DEPDC5: variants seen among roughly 807,000 people sequenced by gnomAD.
The protein encoded by DEPDC5 is GATOR1 complex protein DEPDC5.
Under a neutral mutation model 217.3 loss-of-function variants are expected in DEPDC5, and 73 were observed. That is an observed-to-expected ratio of 0.34 (90% CI 0.28 to 0.41). DEPDC5 has a LOEUF of 0.41. DEPDC5 is among the 10% of genes least tolerant of loss of function. DEPDC5 has a pLI of 1.00. For missense variants in DEPDC5, 1,675 were observed against 2,070.1 expected (o/e 0.81, Z 3.70); for synonymous variants, 733 against 756.7 (o/e 0.97, Z 0.51).
At chr22:31,893,875 T>A in intron 39 of DEPDC5, 124 bp downstream of exon 39, 1 of 1,105,322 alleles carries the variant, frequency 9.0e-7, no homozygotes. Context: ...TCATCGGGAC[T>A]ATTGGAGTAA....
chr22:31,852,708 G>A (rs1051411842), intron 31 of DEPDC5, among the ~76,000 whole-genome samples: 5 of 151,792 alleles, frequency 3.3e-5, no homozygotes, highest in Non-Finnish European at 7.4e-5. Context: ...AATGTACCTC[G>A]GAAAGACAAG....
chr22:31,892,553 G>A (rs569153913), intron 38 of DEPDC5, among the ~76,000 whole-genome samples: 4 of 152,174 alleles, frequency 2.6e-5, no homozygotes, highest in East Asian at 1.9e-4. Flanking sequence ...GTGTGGTGGC[G>A]CATGCCTGTA....
chr22:31,857,813 G>T, intron 32 of DEPDC5: 1 of 312,018 alleles, frequency 3.2e-6, no homozygotes, highest in Non-Finnish European at 5.9e-6. Context: ...ACTTTGGGAG[G>T]CCGAGGCTGG....
intron 10 of DEPDC5, 42 bp downstream of exon 10, chr22:31,784,917 T>A (rs1601812848): frequency 1.3e-6 from 2 of 1,557,710 alleles, no homozygotes; most frequent in Middle Eastern, 1.7e-4. Flanking sequence ...ATGTAAACAT[T>A]ACTCAATCAG....
chr22:31,816,419 C>T (rs1275329206), intron 21 of DEPDC5: 28 of 148,798 alleles, frequency 1.9e-4, no homozygotes, highest in African/African-American at 6.9e-4. Flanking sequence ...CAGTTTCTTT[C>T]TTTTCTTTTT....
At chr22:31,857,191 AG>A (rs891763089) in intron 31 of DEPDC5, among the ~76,000 whole-genome samples, 22 of 152,352 alleles carry the variant, frequency 1.4e-4, no homozygotes, top group African/African-American at 5.3e-4. Flanking sequence ...CCCCTTTTTA[AG>A]GTCATATATA....
intron 19 of DEPDC5, among the ~76,000 whole-genome samples, chr22:31,810,178 C>T (rs1349362712): frequency 1.3e-5 from 2 of 152,026 alleles, no homozygotes; most frequent in East Asian, 1.9e-4. Flanking sequence ...GTAGGGATCA[C>T]GTAGAAAGTT....
chr22:31,899,313 T>C (rs1425314921), intron 40 of DEPDC5, among the ~76,000 whole-genome samples: 5 of 152,216 alleles, frequency 3.3e-5, no homozygotes, highest in African/African-American at 1.2e-4. Flanking sequence ...AAATTCAAAA[T>C]CTTAAAAATC....
At chr22:31,846,790 G>C in intron 30 of DEPDC5, 44 bp from the exon 31 acceptor site, 2 of 1,613,634 alleles carry the variant, frequency 1.2e-6, no homozygotes, top group Non-Finnish European at 1.7e-6. Flanking sequence ...CTTCCACTGA[G>C]AGCCCACTTG....
At chr22:31,905,292 C>T (rs1281287050) in intron 41 of DEPDC5, among the ~76,000 whole-genome samples, 6 of 150,962 alleles carry the variant, frequency 4.0e-5, no homozygotes, top group African/African-American at 1.5e-4. Flanking sequence ...AAGTGATTCT[C>T]CTGGCTAATT....
intron 12 of DEPDC5, among the ~76,000 whole-genome samples, chr22:31,795,254 G>C (rs2086113300): frequency 6.6e-6 from 1 of 151,718 alleles, no homozygotes; most frequent in Non-Finnish European, 1.5e-5. Flanking sequence ...ATTTTTAGTA[G>C]AGACGGGGTT....
intron 18 of DEPDC5, among the ~76,000 whole-genome samples, chr22:31,808,239 G>A (rs1027684359): frequency 1.3e-5 from 2 of 151,098 alleles, no homozygotes; most frequent in African/African-American, 4.9e-5. Context: ...AGGACTACAG[G>A]CACATGCCAC....
At chr22:31,772,458 G>A (rs2083447835) in intron 7 of DEPDC5, among the ~76,000 whole-genome samples, 1 of 152,182 alleles carries the variant, frequency 6.6e-6, no homozygotes, top group Non-Finnish European at 1.5e-5. Flanking sequence ...TTCGAGTGAT[G>A]TTGGGTAACT....
chr22:31,871,825 G>A (rs1454319599), intron 34 of DEPDC5, among the ~76,000 whole-genome samples: 1 of 152,194 alleles, frequency 6.6e-6, no homozygotes, highest in Non-Finnish European at 1.5e-5. Flanking sequence ...ATTTCATGAT[G>A]AAGAACTTAC....
intron 38 of DEPDC5, among the ~76,000 whole-genome samples, chr22:31,887,597 A>G (rs985317161): frequency 2.0e-5 from 3 of 152,142 alleles, no homozygotes; most frequent in African/African-American, 4.8e-5. Context: ...GTGTGTGCCC[A>G]TGTTTCCTGG....
At chr22:31,866,719 G>A (rs565915754) in intron 33 of DEPDC5, among the ~76,000 whole-genome samples, 1 of 152,296 alleles carries the variant, frequency 6.6e-6, no homozygotes, top group East Asian at 1.9e-4. Context: ...TCACAGCCTT[G>A]AGGAGTCCTG....
intron 25 of DEPDC5, chr22:31,834,258 C>T: frequency 2.3e-6 from 1 of 428,574 alleles, no homozygotes; most frequent in Non-Finnish European, 4.3e-6. Context: ...CCAGAGCTGG[C>T]CTTCACCCTT....
intron 3 of DEPDC5, among the ~76,000 whole-genome samples, chr22:31,759,366 T>G (rs2082194633): frequency 8.8e-6 from 1 of 113,118 alleles, no homozygotes; most frequent in African/African-American, 3.1e-5. Flanking sequence ...TTTTTTTTGT[T>G]TTTTTTGTTT....
Position 31,906,828 on chromosome 22 carries a change from A to T in DEPDC5, c.*331A>T. The T allele has an allele frequency of 2.3e-6, 1 of 431,546 alleles. No homozygotes were observed. The highest frequency in any genetic ancestry group is 3.1e-5 in the South Asian group (1 of 32,186). 26.7% of individuals were successfully genotyped at this position (431,546 alleles called of 1,614,324 possible). A position where few individuals can be genotyped will look rare whatever the true frequency, so the allele number is the denominator to read the frequency against. On this transcript the variant is annotated 3_prime_UTR_variant, in exon 43 of 43. Transcript: ENST00000651528. This position sits in a 1 kb window ranked among gnomAD's most constrained non-coding sequence, Gnocchi z 5.1. Reference sequence around the variant, plus strand: ...AGGCGGCCCCCATGAATGTCCTCGGAAGGGGGTGGCTCCTGGTAGCATCCT... The same window carrying T: ...AGGCGGCCCCCATGAATGTCCTCGGTAGGGGGTGGCTCCTGGTAGCATCCT...
Sources: gnomAD v4.1 joint callset for allele counts (sites outside exome capture counted in the v4.1 genomes callset) on GRCh38, gnomAD v4.1.1 for gene constraint, Gnocchi (gnomAD v3.1) non-coding constraint, MANE v1.5 for transcripts, NCBI Gene and HGNC (gene_info 2026-07-23, HGNC 2026-07-21) for gene names.